FRYL: variants seen among roughly 807,000 people sequenced by gnomAD.
The protein encoded by FRYL is protein furry homolog-like.
In FRYL, 150 loss-of-function variants were observed where a neutral mutation model predicts 351.2. The observed-to-expected ratio is 0.43, with a 90% confidence interval of 0.37 to 0.49. The LOEUF (loss-of-function observed/expected upper bound fraction) is 0.49. Ranked by LOEUF, FRYL falls within the 20% of genes least tolerant of loss-of-function variation. FRYL has a pLI of 0.00. For synonymous variants in FRYL, 1,153 were observed against 1,257.1 expected (o/e 0.92, Z 1.75); for missense variants, 3,036 against 3,619.3 (o/e 0.84, Z 4.13).
chr4:48,631,956 G>T (rs533714846), intron 4 of FRYL, among the ~76,000 whole-genome samples: 1 of 147,016 alleles, frequency 6.8e-6, no homozygotes, highest in East Asian at 2.0e-4. Flanking sequence ...AGGAGATTGG[G>T]GTGGGAGGAT....
intron 1 of FRYL, among the ~76,000 whole-genome samples, chr4:48,738,464 T>C (rs1461713367): frequency 5.3e-5 from 8 of 152,100 alleles, no homozygotes; most frequent in Admixed American, 3.3e-4. Context: ...AAATACATAT[T>C]CTATGTTCAT....
At chr4:48,711,780 C>T (rs1020563668) in intron 1 of FRYL, among the ~76,000 whole-genome samples, 1 of 151,956 alleles carries the variant, frequency 6.6e-6, no homozygotes, top group African/African-American at 2.4e-5. Flanking sequence ...GGTCCCTGAC[C>T]CCTGACCCCC....
At chr4:48,563,073 G>T in intron 31 of FRYL, 85 bp from the exon 32 acceptor site, 3 of 839,786 alleles carry the variant, frequency 3.6e-6, no homozygotes, top group African/African-American at 1.7e-5. Flanking sequence ...CAAAGGGCAA[G>T]GCTTATAGGC....
intron 56 of FRYL, among the ~76,000 whole-genome samples, chr4:48,513,442 A>G (rs929291028): frequency 6.6e-6 from 1 of 152,218 alleles, no homozygotes; most frequent in African/African-American, 2.4e-5. Flanking sequence ...ACAAACAAAA[A>G]TGAACAATGG....
In FRYL at chr4:48,590,808, A is replaced by G; in HGVS notation, c.1358T>C (p.Val453Ala). The G allele has an allele frequency of 3.7e-6, 6 of 1,612,830 alleles. No individual in the cohort carries two copies. The highest frequency in any genetic ancestry group is 5.1e-6 in the Non-Finnish European group (6 of 1,179,622). Reference sequence around the variant, plus strand: ...CAAACTGTCTGCTATTACAAGGAAGACTCTGAGACCTATGTTCATTCTCTT... The same window carrying G: ...CAAACTGTCTGCTATTACAAGGAAGGCTCTGAGACCTATGTTCATTCTCTT... ...NPERMNIGLR[V>A]FLVIADSLQQ... Residue 453 changes from valine (V) to alanine (A), a missense_variant, in exon 17 of 64, where the codon GTC becomes GCC. Transcript: ENST00000358350.
chr4:48,656,299 ATAT>A (rs917798027), intron 3 of FRYL, among the ~76,000 whole-genome samples: 8 of 7,578 alleles, frequency 1.1e-3, no homozygotes, highest in Middle Eastern at 0.083. Context: ...ATAAATTTGT[ATAT>A]TATATTATAT....
rs1324526359 is a variant in FRYL at position 48,499,603 on chromosome 4, T to C, written c.8861A>G (p.His2954Arg). The C allele has an allele frequency of 5.6e-6, 9 of 1,614,156 alleles. No homozygotes were observed. Among genetic ancestry groups the C allele is most frequent in the Non-Finnish European group, 7.6e-6 (9 of 1,179,972 alleles). ...VQTLLHIYFH[H>R]QTLGQTGSFA... The stretch of plus-strand genomic sequence containing the variant: ...GCTTCCTGTCTGGCCCAGCGTCTGA[T>C]GATGGAAATATATATGTAACAGTGT... Residue 2954 changes from histidine (H) to arginine (R), a missense_variant, in exon 64 of 64, where the codon CAT becomes CGT. Around this residue, in one of 7 missense-constraint regions of FRYL, gnomAD observed 1,987 missense variants for 2,311.7 expected, o/e 0.86. Transcript: ENST00000358350.
chr4:48,711,397 G>A (rs369715820), intron 1 of FRYL, among the ~76,000 whole-genome samples: 834 of 152,376 alleles, frequency 5.5e-3, no homozygotes, highest in Non-Finnish European at 9.5e-3. Flanking sequence ...AAAAAACGGC[G>A]CACCAGGAGA....
In FRYL at chr4:48,740,665, G is replaced by A. The variant is rs182265036; in HGVS notation, c.-383-29967C>T. 5.3e-5 allele frequency among the ~76,000 whole-genome samples: 8 copies of A among 152,168 alleles called. No homozygotes were observed. The East Asian group carries it at 1.5e-3, about 29-fold the overall frequency. ...CAGATGGCAAACACACATGCAAAGA[G>A]ATGCTCCATATCAGACACTATCAGG... is the stretch of plus-strand genomic sequence containing the variant. On this transcript the variant is annotated intron_variant, in intron 1 of 63. Transcript: ENST00000358350.
intron 3 of FRYL, among the ~76,000 whole-genome samples, chr4:48,676,428 G>C (rs138387019): frequency 2.6e-5 from 4 of 152,312 alleles, no homozygotes; most frequent in African/African-American, 9.6e-5. Flanking sequence ...CACTCACCGC[G>C]AGGGTCCGCG....
At chr4:48,750,519 T>C (rs1314946533) in intron 1 of FRYL, among the ~76,000 whole-genome samples, 1 of 152,042 alleles carries the variant, frequency 6.6e-6, no homozygotes, top group Non-Finnish European at 1.5e-5. Flanking sequence ...GGGTAGGCAC[T>C]GTTCTATTGC....
chr4:48,535,582 C>CACAT (rs1728695529), intron 48 of FRYL, 75 bp downstream of exon 48: 5 of 592,886 alleles, frequency 8.4e-6, no homozygotes, highest in East Asian at 7.5e-5. Flanking sequence ...TATATATATA[C>CACAT]ACATACACAC....
At chr4:48,649,315 C>A (rs1341936106) in intron 3 of FRYL, among the ~76,000 whole-genome samples, 3 of 152,030 alleles carry the variant, frequency 2.0e-5, no homozygotes, top group Admixed American at 2.0e-4. Flanking sequence ...GTAATCTATG[C>A]AAATACAGTT....
chr4:48,510,807 T>C (rs1194650525), intron 58 of FRYL, 28 bp downstream of exon 58: 3 of 1,574,532 alleles, frequency 1.9e-6, no homozygotes, highest in South Asian at 1.1e-5. Context: ...ATGTAGTCTT[T>C]ATAATAAACC....
chr4:48,639,455 A>G (rs1241421843), intron 3 of FRYL, among the ~76,000 whole-genome samples: 1 of 149,186 alleles, frequency 6.7e-6, no homozygotes, highest in Non-Finnish European at 1.5e-5. Context: ...CTTGCCACAA[A>G]TAGTACTAGA....
intron 54 of FRYL, 50 bp downstream of exon 54, chr4:48,522,846 GAAGTT>G: frequency 1.6e-6 from 2 of 1,283,642 alleles, no homozygotes; most frequent in Admixed American, 3.4e-5. Flanking sequence ...TAAGAAGTTG[GAAGTT>G]AAGAGGAAAA....
chr4:48,572,416 T>C (rs916625425), intron 26 of FRYL, among the ~76,000 whole-genome samples: 2 of 152,222 alleles, frequency 1.3e-5, no homozygotes, highest in Non-Finnish European at 2.9e-5. Context: ...TCCCCCATAA[T>C]ATAACTACAC....
chr4:48,669,552 A>C (rs1045880018), intron 3 of FRYL, among the ~76,000 whole-genome samples: 11 of 149,962 alleles, frequency 7.3e-5, no homozygotes, highest in African/African-American at 2.7e-4. Flanking sequence ...TTATAATAAT[A>C]TTATAAGGGT....
chr4:48,760,797 C>T (rs901856405), intron 1 of FRYL, among the ~76,000 whole-genome samples: 31 of 152,166 alleles, frequency 2.0e-4, no homozygotes, highest in African/African-American at 7.0e-4. Flanking sequence ...ATGCCTCAGC[C>T]TCTCGAGTAG....
Sources: gnomAD v4.1 joint callset for allele counts (sites outside exome capture counted in the v4.1 genomes callset) on GRCh38, gnomAD v4.1.1 for gene constraint, gnomAD v4.1.1 regional missense constraint, MANE v1.5 for transcripts, NCBI Gene and HGNC (gene_info 2026-07-23, HGNC 2026-07-21) for gene names.